The following FMN2 variants were observed in gnomAD, a reference collection of about 807,000 sequenced individuals.
FMN2 encodes formin-2.
Under a neutral mutation model 142.3 loss-of-function variants are expected in FMN2, and 51 were observed. The ratio of observed to expected loss-of-function variants is 0.36; its 90% CI spans 0.29 to 0.45. The LOEUF (loss-of-function observed/expected upper bound fraction) is 0.45, where lower values mean the gene tolerates loss of function less well. Ranked by LOEUF, FMN2 falls within the 20% of genes least tolerant of loss-of-function variation. FMN2 has a pLI of 1.00. For synonymous variants in FMN2, 882 were observed against 869.8 expected, an observed-to-expected ratio of 1.01 and a Z score of -0.25; for missense variants, 1,936 against 2,122.8, an observed-to-expected ratio of 0.91 and a Z score of 1.73.
At chr1:240,239,059 G>C (rs1667804623) in intron 6 of FMN2, among the ~76,000 whole-genome samples, 1 of 152,124 alleles carries the variant, frequency 6.6e-6, no homozygotes, top group Admixed American at 6.5e-5. Context: ...TGATGCATTT[G>C]TAAGCAATAA....
At position 240,438,206 on chromosome 1, in the gene FMN2, G is replaced by C. The variant is rs1352622356; in HGVS notation, c.5056G>C (p.Glu1686Gln). 1 of 1,612,606 alleles carries C rather than the reference G, an allele frequency of 6.2e-7. No homozygotes were observed. The highest frequency in any genetic ancestry group is 8.5e-7 in the Non-Finnish European group (1 of 1,179,626). Residue 1686 changes from glutamate to glutamine, a missense_variant, in exon 16 of 18, where the codon GAG (glutamate) becomes CAG (glutamine). Transcript: ENST00000319653. Reference sequence around the variant, plus strand: ...GAAAGAGAACAAACTTCTTCTACAAGAGAGGTAGGTATTTTCATTTGCACA... The same window carrying C: ...GAAAGAGAACAAACTTCTTCTACAACAGAGGTAGGTATTTTCATTTGCACA... ...WKKENKLLLQ[E>Q]RVKEAEEVCR...
chr1:240,331,642 C>A (rs1208876676), intron 11 of FMN2, among the ~76,000 whole-genome samples: 1 of 152,052 alleles, frequency 6.6e-6, no homozygotes, highest in Non-Finnish European at 1.5e-5. Flanking sequence ...TGCCAGCCAA[C>A]AATTTGTTTA....
chr1:240,145,578 G>T (rs1482415663), intron 2 of FMN2, among the ~76,000 whole-genome samples: 5 of 105,274 alleles, frequency 4.7e-5, no homozygotes, highest in African/African-American at 7.4e-5. Context: ...GTCTTGCTCT[G>T]TGACCCAGGC....
chr1:240,409,525 G>T (rs1261449364), intron 15 of FMN2, among the ~76,000 whole-genome samples: 1 of 152,170 alleles, frequency 6.6e-6, no homozygotes, highest in African/African-American at 2.4e-5. Flanking sequence ...TGTTAAAAGT[G>T]CTATTTGTAA....
intron 6 of FMN2, chr1:240,245,543 T>C (rs1668048752): frequency 4.2e-6 from 2 of 471,354 alleles, no homozygotes; most frequent in Non-Finnish European, 8.8e-6. Flanking sequence ...GGTTGTGAAA[T>C]AGAGCTCATT....
Position 240,223,462 on chromosome 1 carries a change from C to T in FMN2, c.4065+12227C>T, listed in dbSNP as rs144119766. On this transcript the variant is annotated intron_variant, in intron 6 of 17. Transcript: ENST00000319653. The stretch of plus-strand genomic sequence containing the variant: ...GAAATTTTTTTGTTTTGTTTTGTCT[C>T]TGCCAGGTTTTGGTATCAGGATGAT... 3.5e-4 allele frequency among the ~76,000 whole-genome samples: 54 copies of T among 152,290 alleles called. 1 individual carries two copies. In the East Asian group the frequency reaches 9.9e-3, roughly 28 times the overall value.
chr1:240,344,104 T>C (rs1265886790), intron 13 of FMN2, among the ~76,000 whole-genome samples: 1 of 152,174 alleles, frequency 6.6e-6, no homozygotes, highest in Non-Finnish European at 1.5e-5. Flanking sequence ...TTCAGGGAAA[T>C]GGAGTGACAT....
chr1:240,228,317 A>AAAAAAAAAAAAAAAAAAAG (rs1667399450), intron 6 of FMN2, among the ~76,000 whole-genome samples: 1 of 103,818 alleles, frequency 9.6e-6, no homozygotes, highest in African/African-American at 5.1e-5. Flanking sequence ...AAAAAAAAAA[A>AAAAAAAAAAAAAAAAAAAG]AAAAAAAAAA....
chr1:240,287,385 A>G (rs1669625740), intron 7 of FMN2, among the ~76,000 whole-genome samples: 1 of 152,158 alleles, frequency 6.6e-6, no homozygotes, highest in South Asian at 2.1e-4. Flanking sequence ...TGTATTTTAA[A>G]TGGGGTAAAG....
chr1:240,245,638 G>A (rs1239367383), intron 6 of FMN2: 1 of 470,094 alleles, frequency 2.1e-6, no homozygotes, highest in African/African-American at 2.0e-5. Context: ...ATGTGTAGTA[G>A]GGGTATTAGT....
rs141066890 is a variant in FMN2 at position 240,364,985 on chromosome 1, A to G, written c.4858+9077A>G. Among the ~76,000 whole-genome samples the G allele has an allele frequency of 8.2e-3, 1,250 of 152,300 alleles. 15 individuals are homozygous for G. The highest frequency in any genetic ancestry group is 0.029 in the African/African-American group (1,195 of 41,562). On this transcript the variant is annotated intron_variant, in intron 14 of 17. Coordinates refer to ENST00000319653, the MANE Select transcript of FMN2 (RefSeq NM_020066.5). Reference sequence around the variant, plus strand: ...ATTTCTCTATGAATGAGTGCTGGGAATGTTTAAATAATGCATGTATCTATT... The same window carrying G: ...ATTTCTCTATGAATGAGTGCTGGGAGTGTTTAAATAATGCATGTATCTATT...
Position 240,170,345 on chromosome 1 carries a change from G to A in FMN2, c.1783-7576G>A. The A allele has an allele frequency of 3.5e-6, 4 of 1,127,592 alleles. No homozygotes were observed. In the South Asian group the frequency reaches 4.9e-5, roughly 14 times the overall value. 69.8% of individuals were successfully genotyped at this position (1,127,592 alleles called of 1,614,324 possible). ...ACCCTGAGCAGAGCTGATCCTGAGG[G>A]TTGTTTTCCAGTGATCTTGGGACAT... On this transcript the variant is annotated intron_variant, in intron 2 of 17. Coordinates refer to ENST00000319653, the MANE Select transcript of FMN2 (RefSeq NM_020066.5).
chr1:240,290,786 T>TGG (rs201758946), intron 7 of FMN2, among the ~76,000 whole-genome samples: 1 of 96,216 alleles, frequency 1.0e-5, no homozygotes, highest in Non-Finnish European at 2.2e-5. Flanking sequence ...TTTGGTTTTT[T>TGG]TTTTTTGTTT....
chr1:240,159,099 G>T (rs1303538137), intron 2 of FMN2, among the ~76,000 whole-genome samples: 1 of 152,004 alleles, frequency 6.6e-6, no homozygotes, highest in Non-Finnish European at 1.5e-5. Flanking sequence ...TGATAGAATA[G>T]TCTCATGGTA....
intron 15 of FMN2, among the ~76,000 whole-genome samples, chr1:240,432,526 T>C (rs938797792): frequency 6.6e-6 from 1 of 151,992 alleles, no homozygotes; most frequent in Non-Finnish European, 1.5e-5. Flanking sequence ...ATTTCTATTC[T>C]TCTACTAAGT....
At chr1:240,466,756 T>C (rs1367667143) in intron 16 of FMN2, among the ~76,000 whole-genome samples, 5 of 152,214 alleles carry the variant, frequency 3.3e-5, no homozygotes, top group Admixed American at 6.5e-5. Flanking sequence ...TAGAATCTTA[T>C]ATTCTTTGAA....
At chr1:240,274,296 A>G (rs375076123) in intron 7 of FMN2, among the ~76,000 whole-genome samples, 11 of 151,918 alleles carry the variant, frequency 7.2e-5, no homozygotes, top group East Asian at 3.9e-4. Flanking sequence ...GGAAAGCCCA[A>G]TTGGAAGGTG....
chr1:240,324,166 T>C (rs1167156486), intron 8 of FMN2, among the ~76,000 whole-genome samples: 1 of 152,196 alleles, frequency 6.6e-6, no homozygotes, highest in Admixed American at 6.5e-5. Flanking sequence ...ATTTCAAGCC[T>C]GCTTTACATT....
At chr1:240,372,662 T>C (rs547371271) in intron 14 of FMN2, among the ~76,000 whole-genome samples, 1 of 150,442 alleles carries the variant, frequency 6.6e-6, no homozygotes, top group African/African-American at 2.4e-5. Context: ...TTTTTAAGGC[T>C]GTTTTGAAAG....
Sources: gnomAD v4.1 joint callset for allele counts (sites outside exome capture counted in the v4.1 genomes callset) on GRCh38, gnomAD v4.1.1 for gene constraint, MANE v1.5 for transcripts, NCBI Gene and HGNC (gene_info 2026-07-23, HGNC 2026-07-21) for gene names.